The following B3GLCT variants were observed in gnomAD, a reference collection of about 807,000 sequenced individuals.
B3GLCT encodes the protein beta-1,3-glucosyltransferase.
A neutral mutation model predicts 63.4 loss-of-function variants in B3GLCT; 65 were observed. The observed-to-expected ratio is 1.03, with a 90% CI of 0.84 to 1.26. The LOEUF is 1.26. Among genes scored for constraint, B3GLCT ranks in the 50% most tolerant of loss-of-function variants. The pLI, the probability that B3GLCT is intolerant of heterozygous loss-of-function variation, is 0.00. For synonymous variants in B3GLCT, 233 were observed against 219.2 expected (o/e 1.06, Z -0.55); for missense variants, 577 against 604.8 (o/e 0.95, Z 0.48).
At chr13:31,228,071 G>C (rs1011692475) in intron 3 of B3GLCT, among the ~76,000 whole-genome samples, 1 of 152,184 alleles carries the variant, frequency 6.6e-6, no homozygotes, top group Non-Finnish European at 1.5e-5. Context: ...GACATACTCG[G>C]GTTTCCTTCC....
chr13:31,331,250 C>T lies in B3GLCT; in HGVS notation c.*1582C>T, dbSNP rs1436612417. 6.6e-6 allele frequency: 1 copy of T among 152,192 alleles called. No individual in the cohort carries two copies. Among genetic ancestry groups the T allele is most frequent in the Non-Finnish European group, 1.5e-5 (1 of 68,064 alleles). 9.4% of individuals were successfully genotyped at this position (152,192 alleles called of 1,614,324 possible). On this transcript the variant is annotated 3_prime_UTR_variant, in exon 15 of 15. Transcript: ENST00000343307. ...CTTCATGTCATCTATAATAGTACTCCTGGAGAGCCCTGGCTGCCTACACCA... is the reference window on the plus strand; with the variant it reads ...CTTCATGTCATCTATAATAGTACTCTTGGAGAGCCCTGGCTGCCTACACCA...
chr13:31,276,598 C>G, intron 9 of B3GLCT, 104 bp from the exon 10 acceptor site: 1 of 771,832 alleles, frequency 1.3e-6, no homozygotes, highest in Non-Finnish European at 2.3e-6. Context: ...GTTTGGTATC[C>G]TTGACATTGG....
At chr13:31,249,267 A>G (rs113825113) in intron 6 of B3GLCT, among the ~76,000 whole-genome samples, 11 of 152,334 alleles carry the variant, frequency 7.2e-5, no homozygotes, top group African/African-American at 2.4e-4. Context: ...AAGATCCACT[A>G]TGATTTTTCT....
At position 31,210,355 on chromosome 13, in the gene B3GLCT, A is replaced by G. The variant is rs1869192840; in HGVS notation, c.71-4696A>G. Among the ~76,000 whole-genome samples the G allele has an allele frequency of 2.0e-5, 3 of 152,236 alleles. No individual in the cohort carries two copies. In the South Asian group the frequency reaches 6.2e-4, roughly 31 times the overall value. On this transcript the variant is annotated intron_variant, in intron 1 of 14. Coordinates refer to ENST00000343307, the MANE Select transcript of B3GLCT (RefSeq NM_194318.4). ...ACTGCACATTAAAGCACTAAGGCCA[A>G]ATTTTCAACAATATTTTCCCTACTG... is the stretch of plus-strand genomic sequence containing the variant.
In B3GLCT at chr13:31,330,969, A is replaced by G. The variant is rs1401686875; in HGVS notation, c.*1301A>G. The G allele has an allele frequency of 6.6e-6, 1 of 152,148 alleles. No individual in the cohort carries two copies. The highest frequency in any genetic ancestry group is 2.4e-5 in the African/African-American group (1 of 41,442). 9.4% of individuals were successfully genotyped at this position (152,148 alleles called of 1,614,324 possible). A position where few individuals can be genotyped will look rare whatever the true frequency, so the allele number is the denominator to read the frequency against. ...GTTTTTCTTGTAGCATAGATTGACTATTTGCAATAGTATTAGTATTTACCA... is the reference window on the plus strand; with the variant it reads ...GTTTTTCTTGTAGCATAGATTGACTGTTTGCAATAGTATTAGTATTTACCA... On this transcript the variant is annotated 3_prime_UTR_variant, in exon 15 of 15. Transcript: ENST00000343307.
At chr13:31,210,854 C>T (rs1869220476) in intron 1 of B3GLCT, among the ~76,000 whole-genome samples, 1 of 152,106 alleles carries the variant, frequency 6.6e-6, no homozygotes, top group African/African-American at 2.4e-5. Context: ...AAGGAGTCCT[C>T]CCACCTCAGC....
At chr13:31,319,784 A>G (rs1593319933) in intron 13 of B3GLCT, among the ~76,000 whole-genome samples, 1 of 152,172 alleles carries the variant, frequency 6.6e-6, no homozygotes, top group Admixed American at 6.5e-5. Context: ...TGACTGATTG[A>G]CAGACACATC....
intron 13 of B3GLCT, among the ~76,000 whole-genome samples, chr13:31,320,350 G>C (rs1875273337): frequency 6.6e-6 from 1 of 152,076 alleles, no homozygotes; most frequent in African/African-American, 2.4e-5. Flanking sequence ...AGCCTCCCTG[G>C]GTGTTGCTGA....
intron 8 of B3GLCT, 125 bp downstream of exon 8, chr13:31,269,402 AT>A (rs1872480602): frequency 4.5e-6 from 3 of 670,412 alleles, no homozygotes; most frequent in Non-Finnish European, 5.3e-6. Flanking sequence ...CACAGAGATA[AT>A]TTCATAGCAC....
At chr13:31,250,135 A>G (rs1173802497) in intron 6 of B3GLCT, among the ~76,000 whole-genome samples, 1 of 152,072 alleles carries the variant, frequency 6.6e-6, no homozygotes, top group Non-Finnish European at 1.5e-5. Flanking sequence ...CTTTTAATAT[A>G]TGTGTATTTT....
intron 10 of B3GLCT, among the ~76,000 whole-genome samples, chr13:31,278,047 G>GAACTAT: frequency 6.6e-6 from 1 of 152,232 alleles, no homozygotes; most frequent in South Asian, 2.1e-4. Flanking sequence ...TTGGGGAAAT[G>GAACTAT]AACTATACCG....
intron 1 of B3GLCT, among the ~76,000 whole-genome samples, chr13:31,202,615 T>C (rs1431831804): frequency 1.3e-5 from 2 of 152,164 alleles, no homozygotes; most frequent in Non-Finnish European, 2.9e-5. Context: ...TGTGAGACAT[T>C]TCTCAGTGGC....
At chr13:31,293,109 C>T (rs561196504) in intron 12 of B3GLCT, among the ~76,000 whole-genome samples, 11 of 152,214 alleles carry the variant, frequency 7.2e-5, no homozygotes, top group East Asian at 5.8e-4. Flanking sequence ...TGCAGTTTTG[C>T]GGTTTTGAGT....
intron 14 of B3GLCT, among the ~76,000 whole-genome samples, chr13:31,327,612 A>G (rs1875697995): frequency 6.6e-6 from 1 of 152,202 alleles, no homozygotes; most frequent in African/African-American, 2.4e-5. Context: ...TCATTGTGGA[A>G]TTATCTTCTA....
At chr13:31,322,123 T>A (rs2137944117) in intron 13 of B3GLCT, among the ~76,000 whole-genome samples, 1 of 152,400 alleles carries the variant, frequency 6.6e-6, no homozygotes, top group Non-Finnish European at 1.5e-5. Flanking sequence ...TATTTACATA[T>A]GTGCATTTAG....
chr13:31,331,556 C>T lies in B3GLCT; in HGVS notation c.*1888C>T, dbSNP rs1875927572. On this transcript the variant is annotated 3_prime_UTR_variant, in exon 15 of 15. Transcript: ENST00000343307. ...TTTCTCAAATATTGTGTTCATTAGT[C>T]TAGACTGGGAATGGGGAGGGGAAAT... 1 of 138,230 alleles carries T rather than the reference C, an allele frequency of 7.2e-6. No homozygotes were observed. 8.6% of individuals were successfully genotyped at this position (138,230 alleles called of 1,614,324 possible). A position where few individuals can be genotyped will look rare whatever the true frequency, so the allele number is the denominator to read the frequency against.
chr13:31,206,360 G>A (rs562007966), intron 1 of B3GLCT, among the ~76,000 whole-genome samples: 1 of 152,172 alleles, frequency 6.6e-6, no homozygotes, highest in Admixed American at 6.5e-5. Flanking sequence ...TGTGAAGCCA[G>A]GTGTGAGAAC....
intron 9 of B3GLCT, among the ~76,000 whole-genome samples, chr13:31,275,974 C>T (rs988592263): frequency 6.6e-6 from 1 of 152,084 alleles, no homozygotes; most frequent in African/African-American, 2.4e-5. Context: ...ATAAACCAGC[C>T]CCAAATTATA....
Position 31,222,963 on chromosome 13 carries a change from A to T in B3GLCT, c.132A>T (p.Lys44Asn). 6.6e-7 allele frequency: 1 copy of T among 1,523,172 alleles called. No homozygotes were observed. 94.4% of individuals were successfully genotyped at this position (1,523,172 alleles called of 1,614,324 possible). ...CATTTAAAATACAGGATTTGGAGAAAAGTGGTATATCAAGGAAAAATGACA... is the reference window on the plus strand; with the variant it reads ...CATTTAAAATACAGGATTTGGAGAATAGTGGTATATCAAGGAAAAATGACA... Reference protein sequence around the residue: ...KEVKQSQDLEKSGISRKNDID... With the variant: ...KEVKQSQDLENSGISRKNDID... Residue 44 changes from lysine to asparagine, a missense_variant, in exon 3 of 15, where the codon AAA (lysine) becomes AAT (asparagine). By Grantham distance (94) the Lys-to-Asn change is moderately conservative (BLOSUM62 0). Transcript: ENST00000343307.
Sources: allele counts gnomAD v4.1 joint callset (sites outside exome capture counted in the v4.1 genomes callset), GRCh38; gene constraint gnomAD v4.1.1; transcripts MANE v1.5; gene names NCBI Gene and HGNC (gene_info 2026-07-23, HGNC 2026-07-21).